ATRNL1: variants seen among roughly 807,000 people sequenced by gnomAD.
ATRNL1 encodes the protein attractin-like protein 1.
A neutral mutation model predicts 182.7 loss-of-function variants in ATRNL1; 95 were observed. The observed-to-expected ratio is 0.52, with a 90% CI of 0.44 to 0.62. The LOEUF (loss-of-function observed/expected upper bound fraction) is 0.62, where lower values mean the gene tolerates loss of function less well. Ranked by LOEUF, ATRNL1 falls within the 20% of genes least tolerant of loss-of-function variation. The probability of loss-of-function intolerance (pLI) is 0.00; values close to 1 mark genes in which losing one functional copy is unlikely to be tolerated. For missense variants in ATRNL1, 1,471 were observed against 1,679.5 expected, an observed-to-expected ratio of 0.88 and a Z score of 2.17; for synonymous variants, 576 against 568.3, an observed-to-expected ratio of 1.01 and a Z score of -0.19.
At chr10:115,501,084 C>T (rs1849811380) in intron 24 of ATRNL1, among the ~76,000 whole-genome samples, 1 of 151,826 alleles carries the variant, frequency 6.6e-6, no homozygotes. Context: ...AGGCACCCAC[C>T]ACCATGCCTG....
intron 26 of ATRNL1, among the ~76,000 whole-genome samples, chr10:115,632,259 C>T (rs1159518895): frequency 6.6e-6 from 1 of 151,950 alleles, no homozygotes; most frequent in Non-Finnish European, 1.5e-5. Context: ...AATAATGCTA[C>T]CAGACTTATG....
At chr10:115,631,807 A>G (rs527525532) in intron 26 of ATRNL1, among the ~76,000 whole-genome samples, 2 of 152,212 alleles carry the variant, frequency 1.3e-5, no homozygotes, top group South Asian at 4.1e-4. Context: ...TTTTGAAAGG[A>G]AGAGAATGCC....
intron 10 of ATRNL1, among the ~76,000 whole-genome samples, chr10:115,249,836 A>G (rs1850800261): frequency 6.6e-6 from 1 of 152,202 alleles, no homozygotes; most frequent in Admixed American, 6.5e-5. Context: ...AAGTGATAAT[A>G]ACCTAAGTGC....
chr10:115,690,872 C>T (rs1351594418), intron 26 of ATRNL1, among the ~76,000 whole-genome samples: 8 of 152,068 alleles, frequency 5.3e-5, no homozygotes, highest in South Asian at 2.1e-4. Context: ...TTTCTGTGGG[C>T]GTAAGAACTC....
chr10:115,561,883 G>A (rs191069028), intron 26 of ATRNL1, among the ~76,000 whole-genome samples: 1 of 152,224 alleles, frequency 6.6e-6, no homozygotes, highest in East Asian at 1.9e-4. Flanking sequence ...TCACCAAAAT[G>A]TTGGTGAGGC....
chr10:115,135,260 A>G (rs2143764879), intron 5 of ATRNL1, among the ~76,000 whole-genome samples: 1 of 152,296 alleles, frequency 6.6e-6, no homozygotes, highest in East Asian at 1.9e-4. Flanking sequence ...CTGTTTGCAG[A>G]TGACATGATT....
Position 115,550,488 on chromosome 10 carries a change from C to A in ATRNL1, c.3795+952C>A, listed in dbSNP as rs150341663. Among the ~76,000 whole-genome samples the A allele has an allele frequency of 7.2e-5, 11 of 151,728 alleles. No homozygotes were observed. The East Asian group carries it at 2.1e-3, about 29-fold the overall frequency. On this transcript the variant is annotated intron_variant, in intron 26 of 28. Coordinates refer to ENST00000355044, the MANE Select transcript of ATRNL1 (RefSeq NM_207303.4). The stretch of plus-strand genomic sequence containing the variant: ...TTCTTCTTAGTCTATTTTTAAGCAC[C>A]CATCAAAGATCAGTACTATCTATAA...
chr10:115,183,524 A>G (rs910710117), intron 8 of ATRNL1, among the ~76,000 whole-genome samples: 3 of 151,626 alleles, frequency 2.0e-5, no homozygotes, highest in Non-Finnish European at 4.4e-5. Context: ...GAGAAATAAT[A>G]TTGATAGGAT....
intron 27 of ATRNL1, among the ~76,000 whole-genome samples, chr10:115,816,969 T>G (rs895370059): frequency 2.0e-5 from 3 of 152,150 alleles, no homozygotes; most frequent in Non-Finnish European, 4.4e-5. Context: ...TTAACCTAAC[T>G]GTTCCTCTTC....
At chr10:115,887,019 T>C (rs1055189329) in intron 28 of ATRNL1, among the ~76,000 whole-genome samples, 9 of 152,206 alleles carry the variant, frequency 5.9e-5, no homozygotes, top group African/African-American at 2.2e-4. Flanking sequence ...TTGCCAAATA[T>C]TTATTGAGTG....
chr10:115,831,096 G>A (rs1158456665), intron 27 of ATRNL1, among the ~76,000 whole-genome samples: 1 of 152,088 alleles, frequency 6.6e-6, no homozygotes, highest in Non-Finnish European at 1.5e-5. Context: ...AATTTCCTAA[G>A]ATAAATGCTC....
intron 25 of ATRNL1, among the ~76,000 whole-genome samples, chr10:115,530,586 C>T (rs932746467): frequency 1.3e-5 from 2 of 151,992 alleles, no homozygotes; most frequent in African/African-American, 4.8e-5. Flanking sequence ...CAGAATAATG[C>T]AAAGTTAAGT....
At chr10:115,867,354 T>C (rs1369980108) in intron 28 of ATRNL1, among the ~76,000 whole-genome samples, 1 of 152,204 alleles carries the variant, frequency 6.6e-6, no homozygotes, top group Non-Finnish European at 1.5e-5. Context: ...AGCAACTAAC[T>C]GCTTAAGCAT....
At chr10:115,632,950 T>A (rs1555026903) in intron 26 of ATRNL1, among the ~76,000 whole-genome samples, 1 of 148,276 alleles carries the variant, frequency 6.7e-6, no homozygotes, top group Non-Finnish European at 1.5e-5. Context: ...TGGTGTGCAG[T>A]GGTGCGATCC....
chr10:115,597,142 A>G (rs1051324742), intron 26 of ATRNL1, among the ~76,000 whole-genome samples: 3 of 152,178 alleles, frequency 2.0e-5, no homozygotes, highest in Non-Finnish European at 2.9e-5. Flanking sequence ...TCATTAAATT[A>G]TTTTAAATGT....
chr10:115,224,700 C>T (rs959810095), intron 9 of ATRNL1, among the ~76,000 whole-genome samples: 5 of 151,980 alleles, frequency 3.3e-5, no homozygotes, highest in South Asian at 4.1e-4. Flanking sequence ...ATATGATAAG[C>T]GACTCTATGA....
At chr10:115,817,877 G>GTTTTTTTTTTTTTTTTTTT (rs35087740) in intron 27 of ATRNL1, among the ~76,000 whole-genome samples, 2 of 133,882 alleles carry the variant, frequency 1.5e-5, no homozygotes, top group African/African-American at 5.5e-5. Flanking sequence ...TTTACGTTGT[G>GTTTTTTTTTTTTTTTTTTT]TTTTTTTTTT....
intron 28 of ATRNL1, among the ~76,000 whole-genome samples, chr10:115,940,065 G>T (rs1439405063): frequency 2.0e-5 from 3 of 152,158 alleles, no homozygotes; most frequent in African/African-American, 7.2e-5. Context: ...GCTTGCTATA[G>T]CAAGGGAGTC....
At chr10:115,132,402 T>C (rs1845291159) in intron 5 of ATRNL1, among the ~76,000 whole-genome samples, 2 of 152,198 alleles carry the variant, frequency 1.3e-5, no homozygotes, top group South Asian at 4.1e-4. Context: ...TGTGTGCATG[T>C]GTCTTTATAG....
Sources: gnomAD v4.1 joint callset for allele counts (sites outside exome capture counted in the v4.1 genomes callset) on GRCh38, gnomAD v4.1.1 for gene constraint, MANE v1.5 for transcripts, NCBI Gene and HGNC (gene_info 2026-07-23, HGNC 2026-07-21) for gene names.